DNAJC2: variants seen among roughly 807,000 people sequenced by gnomAD.
The protein encoded by DNAJC2 is dnaJ homolog subfamily C member 2.
A neutral mutation model predicts 94.0 loss-of-function variants in DNAJC2; 32 were observed. The observed-to-expected ratio is 0.34, with a 90% CI of 0.26 to 0.46. DNAJC2 has a LOEUF of 0.46. DNAJC2 is among the 20% of genes least tolerant of loss of function. The probability of loss-of-function intolerance (pLI) is 1.00; values close to 1 mark genes in which losing one functional copy is unlikely to be tolerated. For synonymous variants in DNAJC2, 210 were observed against 229.7 expected, an observed-to-expected ratio of 0.91 and a Z score of 0.77; for missense variants, 550 against 719.5, an observed-to-expected ratio of 0.76 and a Z score of 2.69.
intron 3 of DNAJC2, among the ~76,000 whole-genome samples, chr7:103,334,434 G>C (rs1819087878): frequency 1.3e-5 from 2 of 151,772 alleles, no homozygotes; most frequent in Non-Finnish European, 2.9e-5. Context: ...ATGTTGGCAG[G>C]TGCCTGTAAT....
rs1450523191 is a variant in DNAJC2, at chr7:103,313,744, A to ATAT, written c.1637-646_1637-644dup. On this transcript the variant is annotated intron_variant, in intron 15 of 16. Transcript: ENST00000379263. ...TTGTGGTTCTTCAACTAAACCTTGT[A>ATAT]TATTTCAGAAAACATCTAAGATGTG... 4.1e-5 allele frequency: 40 copies of ATAT among 985,266 alleles called. No homozygotes were observed. In the East Asian group the frequency reaches 3.2e-3, roughly 78 times the overall value. 61.0% of individuals were successfully genotyped at this position (985,266 alleles called of 1,614,324 possible).
At chr7:103,337,659 T>C in intron 3 of DNAJC2, 77 bp downstream of exon 3, 1 of 1,159,184 alleles carries the variant, frequency 8.6e-7, no homozygotes, top group Admixed American at 1.9e-5. Context: ...ACTATGATAC[T>C]GTATATCTTT....
chr7:103,318,137 T>G (rs1170216756), intron 12 of DNAJC2, among the ~76,000 whole-genome samples: 1 of 152,152 alleles, frequency 6.6e-6, no homozygotes, highest in Admixed American at 6.5e-5. Context: ...CTGATTTTGT[T>G]TCCCACTCCA....
chr7:103,339,300 C>T (rs1462329245), intron 2 of DNAJC2, among the ~76,000 whole-genome samples: 2 of 152,182 alleles, frequency 1.3e-5, no homozygotes, highest in African/African-American at 4.8e-5. Flanking sequence ...ATAAACTGAA[C>T]AAGTGAATGA....
In DNAJC2 at chr7:103,312,341, C is replaced by A; in HGVS notation, c.*228G>T. The A allele has an allele frequency of 6.3e-7, 1 of 1,579,814 alleles. No homozygotes were observed. The highest frequency in any genetic ancestry group is 8.5e-7 in the Non-Finnish European group (1 of 1,170,458). ...AGAGCTAGAGAAAAATAAAAATGAACATGTATATACATTTGGAAATTTGAA... is the reference window on the plus strand; with the variant it reads ...AGAGCTAGAGAAAAATAAAAATGAAAATGTATATACATTTGGAAATTTGAA... On this transcript the variant is annotated 3_prime_UTR_variant, in exon 17 of 17. Coordinates refer to ENST00000379263, the MANE Select transcript of DNAJC2 (RefSeq NM_014377.3).
chr7:103,321,870 G>A (rs1818440377), intron 10 of DNAJC2, 62 bp downstream of exon 10: 1 of 1,532,696 alleles, frequency 6.5e-7, no homozygotes, highest in Non-Finnish European at 8.9e-7. Context: ...ACAAAAAGAA[G>A]TATTTTTGCT....
In DNAJC2 at chr7:103,337,814, G is replaced by A; in HGVS notation, c.256-3C>T. 3 of 1,607,968 alleles carry A rather than the reference G, an allele frequency of 1.9e-6. No homozygotes were observed. Among genetic ancestry groups the A allele is most frequent in the Non-Finnish European group, 2.5e-6 (3 of 1,177,896 alleles). ...AGAACTGCATAATGATCTTGGTTCT[G>A]GAAAAAAAACACAAAAGGGAGTCAA... On this transcript the variant is annotated splice_polypyrimidine_tract_variant and splice_region_variant and intron_variant, in intron 2 of 16. Coordinates refer to ENST00000379263, the MANE Select transcript of DNAJC2 (RefSeq NM_014377.3).
chr7:103,340,008 T>C lies in DNAJC2; in HGVS notation c.255+1756A>G, dbSNP rs563320450. Among the ~76,000 whole-genome samples the C allele has an allele frequency of 2.0e-5, 3 of 152,276 alleles. No individual in the cohort carries two copies. In the South Asian group the frequency reaches 6.2e-4, roughly 32 times the overall value. Reference sequence around the variant, plus strand: ...CATGTGCCACCACGCCTGGCTAATTTTGTATTTTTAGTAGAGATGGGGTTT... The same window carrying C: ...CATGTGCCACCACGCCTGGCTAATTCTGTATTTTTAGTAGAGATGGGGTTT... On this transcript the variant is annotated intron_variant, in intron 2 of 16. Coordinates refer to ENST00000379263, the MANE Select transcript of DNAJC2 (RefSeq NM_014377.3).
chr7:103,314,324 T>C (rs1817925009), intron 15 of DNAJC2: 1 of 985,286 alleles, frequency 1.0e-6, no homozygotes, highest in East Asian at 1.1e-4. Context: ...GAAATCACTA[T>C]TCAAAAAATG....
At chr7:103,328,334 A>G (rs1818816350) in intron 3 of DNAJC2, among the ~76,000 whole-genome samples, 1 of 152,106 alleles carries the variant, frequency 6.6e-6, no homozygotes, top group Non-Finnish European at 1.5e-5. Context: ...ATATGCTTTA[A>G]AAAATTCAGG....
At chr7:103,340,789 T>G (rs1379092871) in intron 2 of DNAJC2, among the ~76,000 whole-genome samples, 1 of 152,200 alleles carries the variant, frequency 6.6e-6, no homozygotes, top group African/African-American at 2.4e-5. Context: ...TATGTGCCAA[T>G]GACTTCAAAA....
At chr7:103,336,013 C>T (rs1819159684) in intron 3 of DNAJC2, 1 of 152,140 alleles carries the variant, frequency 6.6e-6, no homozygotes, top group East Asian at 1.9e-4. Flanking sequence ...ATGAAAAATA[C>T]AAAATTAGCC....
chr7:103,335,281 A>G (rs1309140819), intron 3 of DNAJC2: 1 of 152,254 alleles, frequency 6.6e-6, no homozygotes, highest in African/African-American at 2.4e-5. Flanking sequence ...TAATAATTAT[A>G]GATTTGCAAA....
chr7:103,332,781 G>A (rs1269524783), intron 3 of DNAJC2, among the ~76,000 whole-genome samples: 2 of 151,966 alleles, frequency 1.3e-5, no homozygotes, highest in Non-Finnish European at 2.9e-5. Context: ...GCACCACTAT[G>A]CCCAGCTAAT....
At chr7:103,330,725 C>T (rs898523355) in intron 3 of DNAJC2, among the ~76,000 whole-genome samples, 1 of 151,234 alleles carries the variant, frequency 6.6e-6, no homozygotes, top group Admixed American at 6.6e-5. Flanking sequence ...GCTGGGATTA[C>T]AGGTGTGAGC....
At chr7:103,326,884 T>A in intron 4 of DNAJC2, among the ~76,000 whole-genome samples, 200 bp from the exon 5 acceptor site, 1 of 152,202 alleles carries the variant, frequency 6.6e-6, no homozygotes, top group Non-Finnish European at 1.5e-5. Context: ...TCCTTCTTTA[T>A]TTTTCTAGTA....
chr7:103,320,402 A>G (rs1473534978), intron 10 of DNAJC2, among the ~76,000 whole-genome samples: 2 of 151,958 alleles, frequency 1.3e-5, no homozygotes, highest in African/African-American at 4.8e-5. Flanking sequence ...AACTTTTTCT[A>G]AATTTCAGGT....
rs1026765946 is a variant in DNAJC2 at position 103,317,555 on chromosome 7, C to T, written c.1243-541G>A. ...TAAGAGTCAGCTTTGGCTCATTTCT[C>T]CCCTTCAATCCCTTAGAACCAGTAA... On this transcript the variant is annotated intron_variant, in intron 12 of 16. Transcript: ENST00000379263. 3.3e-4 allele frequency among the ~76,000 whole-genome samples: 50 copies of T among 152,188 alleles called. 2 individuals carry two copies. The highest frequency in any genetic ancestry group is 1.5e-5 in the Non-Finnish European group (1 of 68,042).
intron 15 of DNAJC2, 107 bp from the exon 16 acceptor site, chr7:103,313,208 C>T (rs1413504044): frequency 6.8e-7 from 1 of 1,470,312 alleles, no homozygotes; most frequent in Non-Finnish European, 9.0e-7. Context: ...TGGGATGTGT[C>T]ATTTTGAAAA....
Sources: allele counts gnomAD v4.1 joint callset (sites outside exome capture counted in the v4.1 genomes callset), GRCh38; gene constraint gnomAD v4.1.1; transcripts MANE v1.5; gene names NCBI Gene and HGNC (gene_info 2026-07-23, HGNC 2026-07-21).